The following PLXNC1 variants were observed in gnomAD, a reference collection of about 807,000 sequenced individuals.
PLXNC1 encodes plexin C1, also known as plexin-C1.
A neutral mutation model predicts 178.2 loss-of-function variants in PLXNC1; 75 were observed. That is an observed-to-expected ratio of 0.42 (90% CI 0.35 to 0.51). PLXNC1 has a LOEUF of 0.51. Among genes scored for constraint, PLXNC1 ranks in the 20% least tolerant of loss-of-function variants. The pLI is 0.02. For synonymous variants in PLXNC1, 790 were observed against 779.9 expected, an observed-to-expected ratio of 1.01 and a Z score of -0.22; for missense variants, 1,503 against 1,984.4, an observed-to-expected ratio of 0.76 and a Z score of 4.61.
At chr12:94,223,177 G>T (rs1478018830) in intron 6 of PLXNC1, among the ~76,000 whole-genome samples, 1 of 152,196 alleles carries the variant, frequency 6.6e-6, no homozygotes, top group Admixed American at 6.5e-5. Flanking sequence ...ACTTTGGGAG[G>T]CTGAGGCGGG....
Position 94,154,098 on chromosome 12 carries a change from G to A in PLXNC1, c.1062+4065G>A, listed in dbSNP as rs139755883. 1.7e-3 allele frequency among the ~76,000 whole-genome samples: 253 copies of A among 152,342 alleles called. 2 individuals carry two copies. Among genetic ancestry groups the A allele is most frequent in the African/African-American group, 6.0e-3 (248 of 41,566 alleles). The stretch of plus-strand genomic sequence containing the variant: ...AGCACCCACTTAGAAAGAGGGGAAA[G>A]CAATCATAGCTACTATCTACTGAAT... On this transcript the variant is annotated intron_variant, in intron 1 of 30. Coordinates refer to ENST00000258526, the MANE Select transcript of PLXNC1 (RefSeq NM_005761.3).
At chr12:94,150,551 C>G (rs976043159) in intron 1 of PLXNC1, among the ~76,000 whole-genome samples, 4 of 152,228 alleles carry the variant, frequency 2.6e-5, no homozygotes, top group African/African-American at 4.8e-5. Flanking sequence ...CGCCCCCCAC[C>G]GGCAACGCAA....
At chr12:94,169,937 A>T (rs941202850) in intron 2 of PLXNC1, among the ~76,000 whole-genome samples, 2 of 152,180 alleles carry the variant, frequency 1.3e-5, no homozygotes, top group Non-Finnish European at 2.9e-5. Context: ...GGGGAGGAGG[A>T]GAAAATAAAA....
chr12:94,164,034 C>T (rs985019257), intron 1 of PLXNC1, among the ~76,000 whole-genome samples: 2 of 152,122 alleles, frequency 1.3e-5, no homozygotes, highest in East Asian at 3.9e-4. Flanking sequence ...TTTACAGATA[C>T]AGTCACTGAG....
At chr12:94,165,601 G>A (rs1961581223) in intron 1 of PLXNC1, among the ~76,000 whole-genome samples, 1 of 149,244 alleles carries the variant, frequency 6.7e-6, no homozygotes, top group South Asian at 2.1e-4. Flanking sequence ...GCTCCAACAA[G>A]TTGTGATTGT....
In PLXNC1 at chr12:94,282,289, CT is replaced by C. The variant is rs1048620408; in HGVS notation, c.3776-4del. ...ACTCTCTAAAAAGGAACAAAATGCT[CT>C]TTTTCAGAGCTTCAAATGGGCACAC... On this transcript the variant is annotated splice_region_variant and splice_polypyrimidine_tract_variant and intron_variant, in intron 22 of 30. Transcript: ENST00000258526. 4.4e-6 allele frequency: 7 copies of C among 1,602,220 alleles called. No homozygotes were observed. The highest frequency in any genetic ancestry group is 1.3e-5 in the African/African-American group (1 of 74,614).
chr12:94,303,677 T>C, intron 28 of PLXNC1, 79 bp from the exon 29 acceptor site: 1 of 1,267,690 alleles, frequency 7.9e-7, no homozygotes, highest in Non-Finnish European at 1.1e-6. Context: ...CATTGGAATA[T>C]TATAAATTCC....
chr12:94,204,979 C>T (rs1470085858), intron 4 of PLXNC1, among the ~76,000 whole-genome samples: 2 of 152,204 alleles, frequency 1.3e-5, no homozygotes, highest in African/African-American at 4.8e-5. Flanking sequence ...CAGGGACTGT[C>T]TGCTCTTGGT....
chr12:94,178,382 T>C, intron 2 of PLXNC1, among the ~76,000 whole-genome samples: 1 of 152,200 alleles, frequency 6.6e-6, no homozygotes, highest in East Asian at 1.9e-4. Flanking sequence ...CCATGATGAA[T>C]TCCTGAAGAG....
At chr12:94,223,294 A>G (rs1256793721) in intron 6 of PLXNC1, among the ~76,000 whole-genome samples, 1 of 152,198 alleles carries the variant, frequency 6.6e-6, no homozygotes, top group Non-Finnish European at 1.5e-5. Flanking sequence ...ACCACCTCCT[A>G]TTCCTATTAA....
At chr12:94,302,577 A>C (rs1968571239) in intron 28 of PLXNC1, among the ~76,000 whole-genome samples, 2 of 152,196 alleles carry the variant, frequency 1.3e-5, no homozygotes, top group South Asian at 4.1e-4. Context: ...GTTGTTTATG[A>C]ATTATGTTCT....
intron 9 of PLXNC1, chr12:94,227,584 G>T: frequency 4.3e-6 from 1 of 231,398 alleles, no homozygotes; most frequent in South Asian, 5.7e-5. Flanking sequence ...TGCGTTTCTG[G>T]GGGTTATGTG....
chr12:94,273,529 C>A (rs148502685), intron 21 of PLXNC1, among the ~76,000 whole-genome samples: 35 of 152,262 alleles, frequency 2.3e-4, no homozygotes, highest in African/African-American at 7.5e-4. Flanking sequence ...TCCTTGATTT[C>A]TCTGTTTGAA....
At chr12:94,279,748 C>T in intron 22 of PLXNC1, 99 bp downstream of exon 22, 1 of 1,038,846 alleles carries the variant, frequency 9.6e-7, no homozygotes, top group Non-Finnish European at 1.5e-6. Context: ...CACCAGCTTC[C>T]ATTCAGTGAC....
rs80127061 is a variant in PLXNC1 at position 94,277,429 on chromosome 12, G to T, written c.3598-2043G>T. ...CTGAGAACCTCCCGAAATTTCAGAAGCCCCACATCCACGTCAGTGGTCCAT... is the reference window on the plus strand; with the variant it reads ...CTGAGAACCTCCCGAAATTTCAGAATCCCCACATCCACGTCAGTGGTCCAT... On this transcript the variant is annotated intron_variant, in intron 21 of 30. Transcript: ENST00000258526. Among the ~76,000 whole-genome samples, 181 of 152,296 alleles carry T rather than the reference G, an allele frequency of 1.2e-3. 1 individual carries two copies. The East Asian group carries it at 0.034, about 28-fold the overall frequency.
At position 94,149,259 on chromosome 12, in the gene PLXNC1, C is replaced by A. The variant is rs746779613; in HGVS notation, c.288C>A (p.Pro96=). Residue 96 remains proline (P), a synonymous_variant, in exon 1 of 31, where the codon CCC becomes CCA. Transcript: ENST00000258526. ...CAGAGCCGGTCTCGCTGGCGCCCCCCGCGCGGCCCCGGCCCGGGAGCAGCT... is the reference window on the plus strand; with the variant it reads ...CAGAGCCGGTCTCGCTGGCGCCCCCAGCGCGGCCCCGGCCCGGGAGCAGCT... ...NCTEPVSLAP[P]ARPRPGSSFS... 3.8e-5 allele frequency: 59 copies of A among 1,539,962 alleles called. No individual in the cohort carries two copies. The highest frequency in any genetic ancestry group is 1.7e-4 in the Middle Eastern group (1 of 5,850).
intron 4 of PLXNC1, among the ~76,000 whole-genome samples, chr12:94,190,584 C>T (rs993392710): frequency 3.3e-5 from 5 of 152,116 alleles, no homozygotes; most frequent in Non-Finnish European, 7.4e-5. Flanking sequence ...TATCCCAGTG[C>T]GCTCCAAGAA....
chr12:94,216,516 A>C (rs1396105559), intron 5 of PLXNC1, among the ~76,000 whole-genome samples: 2 of 152,206 alleles, frequency 1.3e-5, no homozygotes, highest in East Asian at 1.9e-4. Flanking sequence ...AAGCTATGCT[A>C]ACACCCAGTG....
chr12:94,195,209 C>T (rs1391041322), intron 4 of PLXNC1, among the ~76,000 whole-genome samples: 1 of 152,116 alleles, frequency 6.6e-6, no homozygotes, highest in East Asian at 1.9e-4. Context: ...AAAGATTATC[C>T]CACTGGCAGT....
Sources: gnomAD v4.1 joint callset for allele counts (sites outside exome capture counted in the v4.1 genomes callset) on GRCh38, gnomAD v4.1.1 for gene constraint, MANE v1.5 for transcripts, NCBI Gene and HGNC (gene_info 2026-07-23, HGNC 2026-07-21) for gene names.